SDK1: variants seen among roughly 807,000 people sequenced by gnomAD.
The protein encoded by SDK1 is protein sidekick-1.
SDK1 carries 157 observed loss-of-function variants against 245.5 expected under a neutral mutation model. The observed-to-expected ratio is 0.64, with a 90% CI of 0.56 to 0.73. The LOEUF is 0.73. Ranked by LOEUF, SDK1 falls within the 30% of genes least tolerant of loss-of-function variation. SDK1 has a pLI of 0.00. For synonymous variants in SDK1, 1,647 were observed against 1,278.5 expected, an observed-to-expected ratio of 1.29 and a Z score of -6.15; for missense variants, 3,583 against 3,002.3, an observed-to-expected ratio of 1.19 and a Z score of -4.52.
intron 1 of SDK1, among the ~76,000 whole-genome samples, chr7:3,410,346 A>G (rs372472972): frequency 6.6e-5 from 10 of 152,152 alleles, no homozygotes; most frequent in African/African-American, 2.4e-4. Context: ...GAAACACCTT[A>G]TGAATTGAAT....
intron 22 of SDK1, among the ~76,000 whole-genome samples, chr7:4,088,993 G>T (rs1781609863): frequency 6.6e-6 from 1 of 151,254 alleles, no homozygotes; most frequent in East Asian, 1.9e-4. Context: ...CCTCCCTCAG[G>T]TGGAGGTGAG....
intron 1 of SDK1, among the ~76,000 whole-genome samples, chr7:3,306,331 T>C (rs1030960653): frequency 6.6e-6 from 1 of 152,192 alleles, no homozygotes; most frequent in Admixed American, 6.5e-5. Context: ...ACCCCAATTT[T>C]TCTTTCATAA....
chr7:3,560,766 T>G (rs996463317), intron 1 of SDK1, among the ~76,000 whole-genome samples: 7 of 152,118 alleles, frequency 4.6e-5, no homozygotes, highest in Non-Finnish European at 1.0e-4. Context: ...CCTCTCCTAC[T>G]ACCCCTCCCC....
chr7:3,944,740 T>TA (rs1780507438), intron 5 of SDK1, among the ~76,000 whole-genome samples: 1 of 151,912 alleles, frequency 6.6e-6, no homozygotes, highest in Non-Finnish European at 1.5e-5. Context: ...TCAAAAGCAG[T>TA]AAAAGAGGAA....
intron 1 of SDK1, among the ~76,000 whole-genome samples, chr7:3,367,551 G>A (rs1157763752): frequency 6.6e-6 from 1 of 152,142 alleles, no homozygotes; most frequent in Non-Finnish European, 1.5e-5. Context: ...GCCTAGTGAT[G>A]TTAATTATTT....
intron 1 of SDK1, among the ~76,000 whole-genome samples, chr7:3,574,831 C>T (rs190381954): frequency 6.6e-6 from 1 of 152,108 alleles, no homozygotes; most frequent in African/African-American, 2.4e-5. Context: ...CTGATATGAC[C>T]ATGTTAGAAT....
At position 3,951,942 on chromosome 7, in the gene SDK1, G is replaced by T. The variant is rs1423459044; in HGVS notation, c.1150+22G>T. On this transcript the variant is annotated intron_variant, in intron 7 of 44. Coordinates refer to ENST00000404826, the MANE Select transcript of SDK1 (RefSeq NM_152744.4). ...ATAGGTAATGCGGGAGCCTCTAAGT[G>T]GTGTTGCCAGCATCTCAGATAGCAT... is the stretch of plus-strand genomic sequence containing the variant. 3 of 1,599,496 alleles carry T rather than the reference G, an allele frequency of 1.9e-6. No homozygotes were observed. The Admixed American group carries it at 5.3e-5, about 28-fold the overall frequency.
chr7:3,847,563 T>C (rs1780311363), intron 5 of SDK1, among the ~76,000 whole-genome samples: 2 of 152,364 alleles, frequency 1.3e-5, no homozygotes, highest in South Asian at 4.1e-4. Context: ...TCCTCTTGCC[T>C]GCTTCTCACG....
chr7:4,002,553 A>C (rs552977842), intron 14 of SDK1, among the ~76,000 whole-genome samples: 15 of 108,674 alleles, frequency 1.4e-4, no homozygotes, highest in African/African-American at 3.6e-4. Context: ...CAAGAACTGC[A>C]GTATGGACCT....
chr7:3,588,992 G>A (rs1780775080), intron 1 of SDK1, among the ~76,000 whole-genome samples: 1 of 152,196 alleles, frequency 6.6e-6, no homozygotes, highest in African/African-American at 2.4e-5. Flanking sequence ...ATGGAGCAGT[G>A]AATCAGATGT....
At chr7:3,398,304 A>G (rs1380753868) in intron 1 of SDK1, among the ~76,000 whole-genome samples, 3 of 152,048 alleles carry the variant, frequency 2.0e-5, no homozygotes, top group Admixed American at 2.0e-4. Flanking sequence ...AGCCCTGTTG[A>G]TGTAGTGATA....
intron 4 of SDK1, among the ~76,000 whole-genome samples, chr7:3,730,368 C>T (rs1186173731): frequency 6.6e-6 from 1 of 152,194 alleles, no homozygotes; most frequent in Non-Finnish European, 1.5e-5. Context: ...AGAGTAGGAG[C>T]TCTGGAGTGA....
chr7:3,906,553 G>C (rs1476517259), intron 5 of SDK1, among the ~76,000 whole-genome samples: 1 of 148,848 alleles, frequency 6.7e-6, no homozygotes, highest in East Asian at 2.1e-4. Flanking sequence ...CAATGGTTTA[G>C]AGCTGGTTTA....
At chr7:3,362,857 C>T (rs1022162254) in intron 1 of SDK1, among the ~76,000 whole-genome samples, 1 of 152,142 alleles carries the variant, frequency 6.6e-6, no homozygotes, top group African/African-American at 2.4e-5. Context: ...GATAATTTTA[C>T]GATGATAAAC....
chr7:4,071,052 G>GTC (rs1780227307), intron 20 of SDK1, among the ~76,000 whole-genome samples: 1 of 151,642 alleles, frequency 6.6e-6, no homozygotes, highest in Admixed American at 6.6e-5. Context: ...TTGAAATGGA[G>GTC]TGTCTCTCTG....
At chr7:3,687,627 C>G (rs145733097) in intron 4 of SDK1, among the ~76,000 whole-genome samples, 1 of 152,166 alleles carries the variant, frequency 6.6e-6, no homozygotes, top group Non-Finnish European at 1.5e-5. Context: ...CCCAAGAGAT[C>G]GCATATGGTA....
intron 1 of SDK1, among the ~76,000 whole-genome samples, chr7:3,356,119 A>T (rs528130972): frequency 6.6e-6 from 1 of 152,194 alleles, no homozygotes. Context: ...ATTAGCTTTT[A>T]CAAGCTATTT....
intron 4 of SDK1, among the ~76,000 whole-genome samples, chr7:3,753,993 G>A (rs1478254343): frequency 6.6e-6 from 1 of 152,136 alleles, no homozygotes; most frequent in Non-Finnish European, 1.5e-5. Context: ...GTTATTTCTA[G>A]GCAGGTCCTC....
intron 7 of SDK1, among the ~76,000 whole-genome samples, chr7:3,954,226 C>G (rs1208188930): frequency 1.3e-5 from 2 of 149,538 alleles, no homozygotes; most frequent in African/African-American, 5.0e-5. Context: ...AGCAGCCCCT[C>G]TACGCCCTCC....
Sources: gnomAD v4.1 joint callset for allele counts (sites outside exome capture counted in the v4.1 genomes callset) on GRCh38, gnomAD v4.1.1 for gene constraint, MANE v1.5 for transcripts, NCBI Gene and HGNC (gene_info 2026-07-23, HGNC 2026-07-21) for gene names.